TAFA2: variants seen among roughly 807,000 people sequenced by gnomAD.
TAFA2 encodes chemokine-like protein TAFA-2.
Under a neutral mutation model 18.8 loss-of-function variants are expected in TAFA2, and 7 were observed. That is an observed-to-expected ratio of 0.37 (90% CI 0.21 to 0.70). The LOEUF (loss-of-function observed/expected upper bound fraction) is 0.70, where lower values mean the gene tolerates loss of function less well. Ranked by LOEUF, TAFA2 falls within the 30% of genes least tolerant of loss-of-function variation. The pLI is 0.53. For missense variants in TAFA2, 122 were observed against 158.1 expected (o/e 0.77, Z 1.23); for synonymous variants, 60 against 54.2 (o/e 1.11, Z -0.47).
intron 1 of TAFA2, among the ~76,000 whole-genome samples, chr12:61,989,754 T>C (rs145103789): frequency 2.0e-4 from 30 of 152,280 alleles, no homozygotes; most frequent in South Asian, 1.2e-3. Context: ...GAAAGCATAT[T>C]GCCCTCATAG....
chr12:61,998,804 G>A (rs903914630), intron 1 of TAFA2, among the ~76,000 whole-genome samples: 1 of 152,194 alleles, frequency 6.6e-6, no homozygotes, highest in Non-Finnish European at 1.5e-5. Context: ...GGGAGGGGCT[G>A]GGAATACACA....
chr12:62,114,972 T>TA (rs1869897853), intron 1 of TAFA2, among the ~76,000 whole-genome samples: 1 of 152,186 alleles, frequency 6.6e-6, no homozygotes, highest in South Asian at 2.1e-4. Context: ...CTCGTTTAAT[T>TA]AAAAATTGAC....
intron 1 of TAFA2, among the ~76,000 whole-genome samples, chr12:61,988,584 C>T (rs1879894488): frequency 1.3e-5 from 2 of 152,170 alleles, no homozygotes; most frequent in South Asian, 4.1e-4. Flanking sequence ...AAAGCACCTA[C>T]TATGTGCACT....
At chr12:61,926,432 T>C (rs1166462225) in intron 1 of TAFA2, among the ~76,000 whole-genome samples, 1 of 152,150 alleles carries the variant, frequency 6.6e-6, no homozygotes, top group Non-Finnish European at 1.5e-5. Context: ...TGAACATCAA[T>C]GTGAAAAATC....
intron 1 of TAFA2, among the ~76,000 whole-genome samples, chr12:62,203,009 T>C (rs1041203916): frequency 3.9e-5 from 6 of 151,908 alleles, no homozygotes; most frequent in African/African-American, 1.5e-4. Context: ...GTATTTCTAG[T>C]AGAGACACGG....
At chr12:61,928,505 G>A (rs1264287079) in intron 1 of TAFA2, among the ~76,000 whole-genome samples, 2 of 152,146 alleles carry the variant, frequency 1.3e-5, no homozygotes, top group African/African-American at 2.4e-5. Context: ...TCATTAAAAA[G>A]TCAGGAAACA....
chr12:61,972,985 C>T (rs918928816), intron 1 of TAFA2, among the ~76,000 whole-genome samples: 5 of 151,658 alleles, frequency 3.3e-5, no homozygotes, highest in African/African-American at 9.7e-5. Flanking sequence ...TATTCAAATG[C>T]TAGTACCAGA....
intron 1 of TAFA2, among the ~76,000 whole-genome samples, chr12:62,111,753 CT>C (rs1182720107): frequency 6.6e-6 from 1 of 152,198 alleles, no homozygotes; most frequent in African/African-American, 2.4e-5. Context: ...CCTTCTTTGT[CT>C]TTTTTTATCT....
intron 1 of TAFA2, among the ~76,000 whole-genome samples, chr12:62,105,149 T>C (rs1355831813): frequency 6.6e-6 from 1 of 152,158 alleles, no homozygotes; most frequent in Non-Finnish European, 1.5e-5. Flanking sequence ...GTGATTACCA[T>C]AATGCAAACT....
intron 2 of TAFA2, among the ~76,000 whole-genome samples, chr12:61,763,985 T>C (rs1215965921): frequency 6.6e-6 from 1 of 152,044 alleles, no homozygotes; most frequent in African/African-American, 2.4e-5. Flanking sequence ...ACTAAATGAT[T>C]TCCTTGTTTA....
At chr12:61,776,348 G>T in intron 2 of TAFA2, 1 of 168,790 alleles carries the variant, frequency 5.9e-6, no homozygotes, top group Non-Finnish European at 1.3e-5. Context: ...CACTTTGTGA[G>T]AACCAACGGA....
At chr12:62,172,777 A>G (rs2062487070) in intron 1 of TAFA2, among the ~76,000 whole-genome samples, 1 of 152,266 alleles carries the variant, frequency 6.6e-6, no homozygotes, top group Admixed American at 6.5e-5. Flanking sequence ...ACATATTAAG[A>G]TAGAATTTAA....
At chr12:61,938,432 C>G (rs1338325825) in intron 1 of TAFA2, among the ~76,000 whole-genome samples, 2 of 151,834 alleles carry the variant, frequency 1.3e-5, no homozygotes, top group African/African-American at 4.8e-5. Context: ...CACCCAGGTA[C>G]ACAGAGAGGG....
chr12:62,025,166 T>C (rs1228622065), intron 1 of TAFA2, among the ~76,000 whole-genome samples: 2 of 152,166 alleles, frequency 1.3e-5, no homozygotes, highest in African/African-American at 4.8e-5. Context: ...ACTCATATGT[T>C]CATGCATGTT....
intron 1 of TAFA2, among the ~76,000 whole-genome samples, chr12:62,240,264 C>T (rs904548927): frequency 2.0e-5 from 3 of 151,674 alleles, no homozygotes; most frequent in African/African-American, 4.8e-5. Context: ...ATTAAAAATA[C>T]AAAAATTAGC....
intron 1 of TAFA2, among the ~76,000 whole-genome samples, chr12:62,086,487 C>T (rs1398757294): frequency 6.6e-6 from 1 of 152,020 alleles, no homozygotes; most frequent in African/African-American, 2.4e-5. Flanking sequence ...CGGACAAAGA[C>T]TTGAATAGAG....
chr12:61,993,401 T>C (rs1880075372), intron 1 of TAFA2, among the ~76,000 whole-genome samples: 1 of 152,210 alleles, frequency 6.6e-6, no homozygotes, highest in Non-Finnish European at 1.5e-5. Flanking sequence ...TATGTTGGTC[T>C]ACCCAAACAC....
At position 61,756,503 on chromosome 12, in the gene TAFA2, T is replaced by C. The variant is rs901854089; in HGVS notation, c.107-1479A>G. On this transcript the variant is annotated intron_variant, in intron 2 of 4. Transcript: ENST00000416284. ...ATTCTGCCTTCTCTACATTTCTTTA[T>C]TAGGTCACATTTTAAGCGAGTGAAT... Among the ~76,000 whole-genome samples, 7 of 152,206 alleles carry C rather than the reference T, an allele frequency of 4.6e-5. No homozygotes were observed. The East Asian group carries it at 5.8e-4, about 13-fold the overall frequency.
At chr12:62,084,605 G>C (rs348676) in intron 1 of TAFA2, among the ~76,000 whole-genome samples, 29,335 of 152,014 alleles carry the variant, frequency 0.19, 3,494 homozygotes, top group Admixed American at 0.26. Context: ...GCTCATTCAC[G>C]TCTGCTGATT....
Sources: gnomAD v4.1 joint callset for allele counts (sites outside exome capture counted in the v4.1 genomes callset) on GRCh38, gnomAD v4.1.1 for gene constraint, MANE v1.5 for transcripts, NCBI Gene and HGNC (gene_info 2026-07-23, HGNC 2026-07-21) for gene names.